The following DENND2B variants were observed in gnomAD, a reference collection of about 807,000 sequenced individuals.
The protein encoded by DENND2B is DENN domain containing 2B.
In DENND2B, 32 loss-of-function variants were observed where a neutral mutation model predicts 116.0. The observed-to-expected ratio is 0.28, with a 90% CI of 0.21 to 0.37. The LOEUF is 0.37. Ranked by LOEUF, DENND2B falls within the 10% of genes least tolerant of loss-of-function variation. DENND2B has a pLI of 1.00. For missense variants in DENND2B, 1,276 were observed against 1,477.7 expected, an observed-to-expected ratio of 0.86 and a Z score of 2.24; for synonymous variants, 588 against 583.9, an observed-to-expected ratio of 1.01 and a Z score of -0.10.
chr11:8,708,952 CAAAAA>C (rs10569712), intron 11 of DENND2B, among the ~76,000 whole-genome samples: 2 of 136,488 alleles, frequency 1.5e-5, no homozygotes, highest in Non-Finnish European at 3.2e-5. Flanking sequence ...AACTCTGTCT[CAAAAA>C]AAAAAAAAAA....
intron 2 of DENND2B, among the ~76,000 whole-genome samples, chr11:8,733,769 A>G (rs2048496851): frequency 6.6e-6 from 1 of 152,200 alleles, no homozygotes. Flanking sequence ...TTTCAGAAAG[A>G]GTGATTCTAT....
At chr11:8,765,196 C>G (rs758240913) in intron 1 of DENND2B, among the ~76,000 whole-genome samples, 7 of 152,168 alleles carry the variant, frequency 4.6e-5, no homozygotes, top group Non-Finnish European at 1.0e-4. Flanking sequence ...GGAGCTGAGA[C>G]TGCAGAGAAA....
At chr11:8,774,102 A>G in intron 1 of DENND2B, 1 of 985,058 alleles carries the variant, frequency 1.0e-6, no homozygotes, top group Non-Finnish European at 1.2e-6. Flanking sequence ...TGAGTAAGAT[A>G]GTGCATGCAA....
chr11:8,734,604 A>G (rs1329203223), intron 2 of DENND2B, among the ~76,000 whole-genome samples: 1 of 152,146 alleles, frequency 6.6e-6, no homozygotes, highest in Non-Finnish European at 1.5e-5. Context: ...CCTGGCCAAC[A>G]TGGCGAAACC....
At chr11:8,856,157 T>C (rs7948452) in intron 3 of DENND2B, among the ~76,000 whole-genome samples, 46,877 of 152,086 alleles carry the variant, frequency 0.31, 7,440 homozygotes, top group East Asian at 0.54. Context: ...TAATGTTCCA[T>C]TAATAACATT....
At chr11:8,729,352 A>C (rs1240005386) in intron 3 of DENND2B, among the ~76,000 whole-genome samples, 1 of 152,096 alleles carries the variant, frequency 6.6e-6, no homozygotes, top group Non-Finnish European at 1.5e-5. Flanking sequence ...CAGGAAACCA[A>C]CGTGAGCCTC....
At chr11:8,700,353 C>T (rs2041325182) in intron 14 of DENND2B, among the ~76,000 whole-genome samples, 1 of 152,190 alleles carries the variant, frequency 6.6e-6, no homozygotes, top group South Asian at 2.1e-4. Context: ...GACACAGAAG[C>T]ATTGAGGCTG....
chr11:8,705,559 C>T (rs1163996086), intron 13 of DENND2B, among the ~76,000 whole-genome samples: 1 of 152,224 alleles, frequency 6.6e-6, no homozygotes, highest in African/African-American at 2.4e-5. Flanking sequence ...CCTATTTACA[C>T]TCTTTGCTAC....
chr11:8,763,303 A>C (rs2055015916), intron 1 of DENND2B, among the ~76,000 whole-genome samples: 1 of 152,154 alleles, frequency 6.6e-6, no homozygotes, highest in Non-Finnish European at 1.5e-5. Flanking sequence ...GTAAATCAAT[A>C]CTACCACTTT....
intron 1 of DENND2B, among the ~76,000 whole-genome samples, chr11:8,768,229 C>G (rs1565902331): frequency 6.6e-6 from 1 of 151,994 alleles, no homozygotes; most frequent in Non-Finnish European, 1.5e-5. Context: ...CCTCACTTCC[C>G]TCAAGGATCT....
At chr11:8,818,967 T>C (rs1566013680) in intron 4 of DENND2B, among the ~76,000 whole-genome samples, 1 of 152,228 alleles carries the variant, frequency 6.6e-6, no homozygotes, top group African/African-American at 2.4e-5. Flanking sequence ...AAGTTTTTAA[T>C]ACTTTTATAT....
rs112709417 is a variant in DENND2B, at chr11:8,870,371, ATACT to A, written c.-250+579_-250+582del. Among the ~76,000 whole-genome samples the A allele has an allele frequency of 7.4e-4, 112 of 152,326 alleles. 1 individual carries two copies. Among genetic ancestry groups the A allele is most frequent in the African/African-American group, 2.6e-3 (108 of 41,574 alleles). ...CGTTGACTAGAGTGTGGACCCTTTA[ATACT>A]TAGTGCGTGTCTGCACAAGGGCAAA... On this transcript the variant is annotated intron_variant, in intron 2 of 6. Transcript: ENST00000524757.
intron 2 of DENND2B, among the ~76,000 whole-genome samples, chr11:8,863,186 T>A (rs937125278): frequency 2.0e-5 from 3 of 151,648 alleles, no homozygotes; most frequent in Non-Finnish European, 2.9e-5. Context: ...TTAAAAAAAA[T>A]TTTAAATGGC....
At chr11:8,771,529 C>CAGAGAGAGAGAGAGAGAGAGAGAGAG (rs66471685) in intron 1 of DENND2B, 43 of 107,416 alleles carry the variant, frequency 4.0e-4, no homozygotes, top group African/African-American at 9.2e-4. Context: ...TATATATATA[C>CAGAGAGAGAGAGAGAGAGAGAGAGAG]AGAGAGAGAG....
intron 2 of DENND2B, among the ~76,000 whole-genome samples, chr11:8,859,628 T>C (rs1443214134): frequency 2.0e-5 from 3 of 152,148 alleles, no homozygotes. Context: ...CAAATACTCA[T>C]TCATGGATTA....
chr11:8,719,142 A>G (rs1050984619), intron 4 of DENND2B: 1 of 985,572 alleles, frequency 1.0e-6, no homozygotes, highest in Non-Finnish European at 1.2e-6. Context: ...AAGCAGGCAG[A>G]AGAAGGAGCT....
intron 13 of DENND2B, among the ~76,000 whole-genome samples, chr11:8,705,503 G>A (rs1331560921): frequency 2.0e-5 from 3 of 152,058 alleles, no homozygotes; most frequent in Non-Finnish European, 2.9e-5. Context: ...GCACGTTGGG[G>A]TTCCCCAGGA....
At chr11:8,870,437 T>C (rs1594316679) in intron 2 of DENND2B, among the ~76,000 whole-genome samples, 1 of 152,238 alleles carries the variant, frequency 6.6e-6, no homozygotes, top group African/African-American at 2.4e-5. Flanking sequence ...GTTTAACTTG[T>C]TGCAGTAATA....
chr11:8,697,510 G>A lies in DENND2B; in HGVS notation c.3052+15C>T, dbSNP rs538509806. 2.1e-5 allele frequency: 34 copies of A among 1,604,050 alleles called. No individual in the cohort carries two copies. The highest frequency in any genetic ancestry group is 2.7e-5 in the African/African-American group (2 of 74,822). Reference sequence around the variant, plus strand: ...GCCTGGAGCAGAGCTGACCGTGCCCGGGCACTATTCTCACCATCGTCGGAG... The same window carrying A: ...GCCTGGAGCAGAGCTGACCGTGCCCAGGCACTATTCTCACCATCGTCGGAG... On this transcript the variant is annotated intron_variant, in intron 17 of 19. Coordinates refer to ENST00000313726, the MANE Select transcript of DENND2B (RefSeq NM_213618.2).
Sources: gnomAD v4.1 joint callset for allele counts (sites outside exome capture counted in the v4.1 genomes callset) on GRCh38, gnomAD v4.1.1 for gene constraint, MANE v1.5 for transcripts, NCBI Gene and HGNC (gene_info 2026-07-23, HGNC 2026-07-21) for gene names.